MAP3K8: variants seen among roughly 807,000 people sequenced by gnomAD.
MAP3K8 encodes the protein Ewing sarcoma transformant.
Under a neutral mutation model 45.8 loss-of-function variants are expected in MAP3K8, and 22 were observed. That is an observed-to-expected ratio of 0.48 (90% CI 0.34 to 0.69). The LOEUF (loss-of-function observed/expected upper bound fraction) is 0.69. Among genes scored for constraint, MAP3K8 ranks in the 30% least tolerant of loss-of-function variants. MAP3K8 has a pLI of 0.01. For synonymous variants in MAP3K8, 223 were observed against 214.3 expected (o/e 1.04, Z -0.36); for missense variants, 419 against 585.0 (o/e 0.72, Z 2.93).
chr10:30,458,254 A>AG lies in MAP3K8; in HGVS notation c.1026+21dup. ...TGTACATAGTAAGTGGGGTTCAACC[A>AG]GGGCTGGGGGCGGCGGGGGGGGGCG... On this transcript the variant is annotated intron_variant, in intron 7 of 8. Coordinates refer to ENST00000263056, the MANE Select transcript of MAP3K8 (RefSeq NM_005204.4). The AG allele has an allele frequency of 1.8e-6, 1 of 553,212 alleles. No individual in the cohort carries two copies. Among genetic ancestry groups the AG allele is most frequent in the Non-Finnish European group, 2.8e-6 (1 of 357,626 alleles). 34.3% of individuals were successfully genotyped at this position (553,212 alleles called of 1,614,324 possible).
At chr10:30,435,091 C>T (rs1835870079) in intron 1 of MAP3K8, among the ~76,000 whole-genome samples, 2 of 152,178 alleles carry the variant, frequency 1.3e-5, no homozygotes, top group Non-Finnish European at 2.9e-5. Context: ...CGGAGAAGGA[C>T]GCCTAGGGAT....
intron 3 of MAP3K8, among the ~76,000 whole-genome samples, chr10:30,443,794 T>G (rs138353356): frequency 9.2e-4 from 140 of 152,334 alleles, no homozygotes; most frequent in African/African-American, 3.2e-3. Flanking sequence ...ATGACAGTGA[T>G]CTGGATGAGG....
chr10:30,434,053 G>C (rs1023348213), upstream of MAP3K8: 2 of 153,034 alleles, frequency 1.3e-5, no homozygotes, highest in Non-Finnish European at 2.9e-5. Context: ...TTCTGTTTAC[G>C]GAGAGAAAGG....
At chr10:30,451,070 G>A (rs1266558580) in intron 5 of MAP3K8, among the ~76,000 whole-genome samples, 23 of 147,572 alleles carry the variant, frequency 1.6e-4, no homozygotes, top group African/African-American at 5.3e-4. Flanking sequence ...CCCAGCCTGG[G>A]TGACAAGAGC....
chr10:30,461,524 T>C lies in MAP3K8; in HGVS notation c.*688T>C, dbSNP rs1425727812. The C allele has an allele frequency of 5.2e-6, 1 of 193,762 alleles. No individual in the cohort carries two copies. Among genetic ancestry groups the C allele is most frequent in the East Asian group, 8.3e-5 (1 of 12,104 alleles). The allele number at this position is 193,762 out of a possible 1,614,324, so 12.0% of individuals were successfully genotyped here. ...TGTGGATAAAACTGTGTAAACCACATAATTTTTGTACATCCCAAAGGATGA... is the reference window on the plus strand; with the variant it reads ...TGTGGATAAAACTGTGTAAACCACACAATTTTTGTACATCCCAAAGGATGA... On this transcript the variant is annotated 3_prime_UTR_variant, in exon 9 of 9. Coordinates refer to ENST00000263056, the MANE Select transcript of MAP3K8 (RefSeq NM_005204.4).
intron 6 of MAP3K8, among the ~76,000 whole-genome samples, chr10:30,456,360 G>A (rs1836728149): frequency 6.6e-6 from 1 of 152,168 alleles, no homozygotes. Context: ...TCTGCTGCAG[G>A]GAAAGCTTGA....
chr10:30,445,716 G>T (rs1836301996), intron 3 of MAP3K8, among the ~76,000 whole-genome samples: 1 of 152,222 alleles, frequency 6.6e-6, no homozygotes, highest in Admixed American at 6.5e-5. Flanking sequence ...ACCGCCATCT[G>T]CACTTATTCA....
At chr10:30,446,221 G>A (rs1343659315) in intron 3 of MAP3K8, among the ~76,000 whole-genome samples, 2 of 152,062 alleles carry the variant, frequency 1.3e-5, no homozygotes, top group African/African-American at 4.8e-5. Flanking sequence ...CTTGAAATAA[G>A]TTAAGGTCCT....
At chr10:30,434,608 C>A in intron 1 of MAP3K8, 2 of 985,946 alleles carry the variant, frequency 2.0e-6, no homozygotes, top group Non-Finnish European at 2.4e-6. Context: ...GCGACTCCTC[C>A]CCCTTCCTCC....
At position 30,447,858 on chromosome 10, in the gene MAP3K8, A is replaced by G. The variant is rs1836394277; in HGVS notation, c.413A>G (p.Asn138Ser). Residue 138 changes from asparagine (N) to serine (S), a missense_variant, in exon 4 of 9, where the codon AAT becomes AGT. Asn to Ser is a conservative substitution (Grantham distance 46). This residue lies in a region of MAP3K8 where 209 missense variants were observed against 367.3 expected (regional missense o/e 0.57). Coordinates refer to ENST00000263056, the MANE Select transcript of MAP3K8 (RefSeq NM_005204.4). ...LLIPWKLTYRNIGSDFIPRGA... is the reference protein window; with the variant it reads ...LLIPWKLTYRSIGSDFIPRGA... ...ATCCCCTGGAAGCTGACTTACAGGAATATTGGTTCTGATTTTATTCCTCGG... is the reference window on the plus strand; with the variant it reads ...ATCCCCTGGAAGCTGACTTACAGGAGTATTGGTTCTGATTTTATTCCTCGG... The G allele has an allele frequency of 1.2e-6, 2 of 1,613,728 alleles. No individual in the cohort carries two copies. Among genetic ancestry groups the G allele is most frequent in the Non-Finnish European group, 8.5e-7 (1 of 1,179,726 alleles).
Position 30,437,156 on chromosome 10 carries a change from CTCTT to C in MAP3K8, c.-254-18_-254-15del, listed in dbSNP as rs1835939807. 3 of 984,858 alleles carry C rather than the reference CTCTT, an allele frequency of 3.0e-6. No individual in the cohort carries two copies. The highest frequency in any genetic ancestry group is 3.6e-6 in the Non-Finnish European group (3 of 829,776). 61.0% of individuals were successfully genotyped at this position (984,858 alleles called of 1,614,324 possible). ...ATAGGTTTCTGCCTTTTTTTTCTCT[CTCTT>C]TATGTCTTGTTTTAGATGCAATCTT... On this transcript the variant is annotated splice_polypyrimidine_tract_variant and intron_variant, in intron 1 of 8. Transcript: ENST00000263056.
In MAP3K8 at chr10:30,434,624, C is replaced by T. The variant is rs577953766; in HGVS notation, c.-255+246C>T. On this transcript the variant is annotated intron_variant, in intron 1 of 8. Coordinates refer to ENST00000263056, the MANE Select transcript of MAP3K8 (RefSeq NM_005204.4). ...CGACTCCTCCCCCTTCCTCCTCCTT[C>T]CCGTATCCGCAGCGCCAGGGCAGTG... is the stretch of plus-strand genomic sequence containing the variant. The T allele has an allele frequency of 5.0e-5, 49 of 985,962 alleles. No individual in the cohort carries two copies. The African/African-American group carries it at 8.4e-4, about 17-fold the overall frequency. The allele number at this position is 985,962 out of a possible 1,614,324, so 61.1% of individuals were successfully genotyped here. A position where few individuals can be genotyped will look rare whatever the true frequency, so the allele number is the denominator to read the frequency against.
chr10:30,454,017 CAGTTT>C (rs145334467), intron 6 of MAP3K8, among the ~76,000 whole-genome samples: 5,174 of 151,912 alleles, frequency 0.034, 294 homozygotes, highest in African/African-American at 0.12. Context: ...GCATGCACAA[CAGTTT>C]AGTTCACAGT....
intron 3 of MAP3K8, among the ~76,000 whole-genome samples, chr10:30,442,465 A>C (rs933801586): frequency 6.6e-6 from 1 of 152,214 alleles, no homozygotes; most frequent in Admixed American, 6.5e-5. Flanking sequence ...AACACCATTG[A>C]GTTATTTAGA....
chr10:30,458,654 C>A (rs557416460), intron 7 of MAP3K8, among the ~76,000 whole-genome samples: 1 of 152,190 alleles, frequency 6.6e-6, no homozygotes, highest in African/African-American at 2.4e-5. Flanking sequence ...AATTCAGGAG[C>A]AGACACTTCC....
intron 7 of MAP3K8, among the ~76,000 whole-genome samples, chr10:30,458,971 G>A (rs552473527): frequency 1.3e-5 from 2 of 152,264 alleles, no homozygotes; most frequent in Admixed American, 1.3e-4. Context: ...CAGTTGCATG[G>A]GAGGCTGAGG....
chr10:30,437,628 G>C (rs1045541942), intron 2 of MAP3K8, among the ~76,000 whole-genome samples: 3 of 152,236 alleles, frequency 2.0e-5, no homozygotes, highest in Non-Finnish European at 4.4e-5. Flanking sequence ...TCAAGTAAGT[G>C]AATGATGACA....
rs534863661 is a variant in MAP3K8, at chr10:30,444,165, A to G, written c.337-3617A>G. ...TGATGGGGCCACTGCACTCCAGCCT[A>G]GGTGACAGAGCAAGACCCTGTCTTA... On this transcript the variant is annotated intron_variant, in intron 3 of 8. Transcript: ENST00000263056. Among the ~76,000 whole-genome samples, 11 of 151,720 alleles carry G rather than the reference A, an allele frequency of 7.3e-5. No individual in the cohort carries two copies. In the South Asian group the frequency reaches 2.1e-3, roughly 29 times the overall value.
chr10:30,449,332 T>A (rs1483966419), intron 4 of MAP3K8, among the ~76,000 whole-genome samples: 1 of 152,048 alleles, frequency 6.6e-6, no homozygotes, highest in Non-Finnish European at 1.5e-5. Context: ...TCAACCTCTG[T>A]CTCCCGGGTT....
Sources: gnomAD v4.1 joint callset for allele counts (sites outside exome capture counted in the v4.1 genomes callset) on GRCh38, gnomAD v4.1.1 for gene constraint, gnomAD v4.1.1 regional missense constraint, MANE v1.5 for transcripts, NCBI Gene and HGNC (gene_info 2026-07-23, HGNC 2026-07-21) for gene names.